The following STOX2 variants were observed in gnomAD, a reference collection of about 807,000 sequenced individuals.
STOX2 encodes the protein storkhead-box protein 2.
A neutral mutation model predicts 60.9 loss-of-function variants in STOX2; 28 were observed. The observed-to-expected ratio is 0.46, with a 90% CI of 0.34 to 0.63. The LOEUF (loss-of-function observed/expected upper bound fraction) is 0.63. Among genes scored for constraint, STOX2 ranks in the 30% least tolerant of loss-of-function variants. The pLI is 0.01. For missense variants in STOX2, 1,024 were observed against 1,187.7 expected, an observed-to-expected ratio of 0.86 and a Z score of 2.03; for synonymous variants, 472 against 463.9, an observed-to-expected ratio of 1.02 and a Z score of -0.22.
chr4:183,974,789 C>T (rs1732389627), intron 1 of STOX2, among the ~76,000 whole-genome samples: 1 of 152,112 alleles, frequency 6.6e-6, no homozygotes, highest in Admixed American at 6.5e-5. Context: ...ATTGCAAGAA[C>T]AAGTAGATAG....
chr4:183,858,210 A>G (rs563606505), intron 1 of STOX2, among the ~76,000 whole-genome samples: 1 of 152,264 alleles, frequency 6.6e-6, no homozygotes, highest in South Asian at 2.1e-4. Context: ...ACCTATCCAC[A>G]CTTCAGACAA....
intron 1 of STOX2, among the ~76,000 whole-genome samples, chr4:183,884,375 T>C (rs552702741): frequency 6.6e-6 from 1 of 152,002 alleles, no homozygotes; most frequent in African/African-American, 2.4e-5. Flanking sequence ...TAGCATGAGA[T>C]AGAAAATATT....
intron 1 of STOX2, among the ~76,000 whole-genome samples, chr4:183,893,051 A>G (rs992346175): frequency 6.6e-6 from 1 of 152,032 alleles, no homozygotes; most frequent in Non-Finnish European, 1.5e-5. Flanking sequence ...TCCTTCGGAA[A>G]CCAGTCTCTG....
intron 1 of STOX2, among the ~76,000 whole-genome samples, chr4:183,879,821 G>A (rs1217339713): frequency 6.6e-6 from 1 of 151,728 alleles, no homozygotes; most frequent in Non-Finnish European, 1.5e-5. Context: ...AGAGGGGTGG[G>A]GTGTACTTGA....
chr4:183,939,819 C>T (rs1004989629), intron 1 of STOX2, among the ~76,000 whole-genome samples: 3 of 152,024 alleles, frequency 2.0e-5, no homozygotes, highest in Non-Finnish European at 2.9e-5. Flanking sequence ...GACATAATGG[C>T]GAAGTTATGT....
intron 1 of STOX2, among the ~76,000 whole-genome samples, chr4:183,802,991 T>A (rs988532765): frequency 3.3e-5 from 5 of 152,134 alleles, no homozygotes; most frequent in Admixed American, 6.5e-5. Context: ...GGAAAGAAGT[T>A]TAATGGAGAA....
chr4:183,974,328 G>A (rs1732367969), intron 1 of STOX2, among the ~76,000 whole-genome samples: 1 of 151,728 alleles, frequency 6.6e-6, no homozygotes, highest in Admixed American at 6.6e-5. Flanking sequence ...CAAAATGAGG[G>A]AAGAAACCTA....
intron 1 of STOX2, among the ~76,000 whole-genome samples, chr4:183,935,548 C>G (rs866486541): frequency 1.3e-4 from 20 of 152,188 alleles, no homozygotes; most frequent in African/African-American, 4.8e-4. Flanking sequence ...GCCCAGGGGC[C>G]CAGCAGTTTG....
chr4:183,999,908 C>T (rs1402356769), intron 1 of STOX2, among the ~76,000 whole-genome samples: 2 of 152,080 alleles, frequency 1.3e-5, no homozygotes, highest in African/African-American at 4.8e-5. Flanking sequence ...TGCTACAGGC[C>T]GACCTGAGTC....
rs1561096484 is a variant in STOX2 at position 183,798,548 on chromosome 4, C to T, written c.364+493C>T. On this transcript the variant is annotated intron_variant, in intron 1 of 2. Transcript: ENST00000513034. ...TTCCCTGGGCGGCGACTGCGGGGGA[C>T]GCGCCGGGAAGCTAGGGTTGAGGCT... 9 of 900,446 alleles carry T rather than the reference C, an allele frequency of 1.0e-5. No individual in the cohort carries two copies. In the South Asian group the frequency reaches 4.6e-4, roughly 46 times the overall value. 55.8% of individuals were successfully genotyped at this position (900,446 alleles called of 1,614,324 possible).
chr4:183,985,329 G>GATTC (rs2111193015), intron 1 of STOX2, among the ~76,000 whole-genome samples: 1 of 152,170 alleles, frequency 6.6e-6, no homozygotes, highest in African/African-American at 2.4e-5. Flanking sequence ...TGTTGAAGAT[G>GATTC]ATTCATGTAG....
chr4:183,803,597 T>G (rs181018074), intron 1 of STOX2, among the ~76,000 whole-genome samples: 2 of 152,342 alleles, frequency 1.3e-5, no homozygotes, highest in African/African-American at 4.8e-5. Context: ...GGCACTGAAG[T>G]GGAGAACAAG....
intron 1 of STOX2, among the ~76,000 whole-genome samples, chr4:183,829,412 T>C (rs1320652732): frequency 6.6e-6 from 1 of 152,224 alleles, no homozygotes; most frequent in Non-Finnish European, 1.5e-5. Flanking sequence ...CCCTTGTCAT[T>C]TGTTTGTCTT....
intron 1 of STOX2, among the ~76,000 whole-genome samples, chr4:183,967,464 G>A (rs1366357897): frequency 6.6e-6 from 1 of 152,120 alleles, no homozygotes; most frequent in Non-Finnish European, 1.5e-5. Flanking sequence ...AGTGAGTGGT[G>A]CAAGAGGAAG....
chr4:183,858,492 T>G (rs543604143), intron 1 of STOX2, among the ~76,000 whole-genome samples: 58 of 152,342 alleles, frequency 3.8e-4, no homozygotes, highest in African/African-American at 1.3e-3. Context: ...CGTGCACTGT[T>G]TCGTATTTAT....
chr4:183,981,516 T>C (rs540759974), intron 1 of STOX2, among the ~76,000 whole-genome samples: 1 of 152,228 alleles, frequency 6.6e-6, no homozygotes, highest in African/African-American at 2.4e-5. Context: ...AAAATTGTAA[T>C]GGAGAAGGGC....
At chr4:183,954,479 G>A (rs184141278) in intron 1 of STOX2, among the ~76,000 whole-genome samples, 5 of 151,870 alleles carry the variant, frequency 3.3e-5, no homozygotes, top group African/African-American at 9.7e-5. Context: ...TAGTAGAGAC[G>A]GGGTTTCACC....
At chr4:183,969,496 G>A (rs544731558) in intron 1 of STOX2, among the ~76,000 whole-genome samples, 33 of 152,176 alleles carry the variant, frequency 2.2e-4, no homozygotes, top group African/African-American at 7.0e-4. Context: ...TTGAACTCCC[G>A]GGCTCAAGCC....
In STOX2 at chr4:184,020,338, G is replaced by T. The variant is rs192124389; in HGVS notation, c.*3054G>T. On this transcript the variant is annotated 3_prime_UTR_variant, in exon 4 of 4. Transcript: ENST00000308497. Reference sequence around the variant, plus strand: ...AAGCGCACTCGATTTTGTTAGGAATGAACGGAAGTTTAAAAATTCTTGTGC... The same window carrying T: ...AAGCGCACTCGATTTTGTTAGGAATTAACGGAAGTTTAAAAATTCTTGTGC... The T allele has an allele frequency of 6.6e-6, 1 of 152,300 alleles. No homozygotes were observed. The highest frequency in any genetic ancestry group is 1.9e-4 in the East Asian group (1 of 5,186). 9.4% of individuals were successfully genotyped at this position (152,300 alleles called of 1,614,324 possible). A position where few individuals can be genotyped will look rare whatever the true frequency, so the allele number is the denominator to read the frequency against.
Sources: allele counts gnomAD v4.1 joint callset (sites outside exome capture counted in the v4.1 genomes callset), GRCh38; gene constraint gnomAD v4.1.1; transcripts MANE v1.5; gene names NCBI Gene and HGNC (gene_info 2026-07-23, HGNC 2026-07-21).